The following COLGALT2 variants were observed in gnomAD, a reference collection of about 807,000 sequenced individuals.
The protein encoded by COLGALT2 is collagen beta(1-O)galactosyltransferase 2.
COLGALT2 carries 49 observed loss-of-function variants against 73.4 expected under a neutral mutation model. That is an observed-to-expected ratio of 0.67 (90% CI 0.53 to 0.85). The LOEUF (loss-of-function observed/expected upper bound fraction) is 0.85. Ranked by LOEUF, COLGALT2 falls within the 40% of genes least tolerant of loss-of-function variation. COLGALT2 has a pLI of 0.00. For synonymous variants in COLGALT2, 295 were observed against 307.6 expected (o/e 0.96, Z 0.43); for missense variants, 722 against 790.2 (o/e 0.91, Z 1.03).
intron 1 of COLGALT2, among the ~76,000 whole-genome samples, chr1:184,035,751 GAATT>G (rs1649652904): frequency 6.6e-6 from 1 of 152,022 alleles, no homozygotes; most frequent in Non-Finnish European, 1.5e-5. Flanking sequence ...TGATATGTGT[GAATT>G]TCTTTTGGTA....
At chr1:183,966,132 A>C (rs938916372) in intron 5 of COLGALT2, among the ~76,000 whole-genome samples, 5 of 152,202 alleles carry the variant, frequency 3.3e-5, no homozygotes, top group African/African-American at 1.2e-4. Context: ...GGGACTGTTC[A>C]TTTCTTAATA....
Position 183,937,063 on chromosome 1 carries a change from G to A in COLGALT2, c.*1698C>T, listed in dbSNP as rs1441838354. The A allele has an allele frequency of 4.9e-6, 6 of 1,231,512 alleles. No homozygotes were observed. Among genetic ancestry groups the A allele is most frequent in the African/African-American group, 1.6e-5 (1 of 64,420 alleles). The allele number at this position is 1,231,512 out of a possible 1,614,324, so 76.3% of individuals were successfully genotyped here. On this transcript the variant is annotated 3_prime_UTR_variant, in exon 12 of 12. Coordinates refer to ENST00000361927, the MANE Select transcript of COLGALT2 (RefSeq NM_015101.4). ...TAATGTGGCAATCAGTATCACATGG[G>A]CAGTGAACTGAAGAATTAGGTGTCT...
chr1:183,938,209 T>A lies in COLGALT2; in HGVS notation c.*552A>T, dbSNP rs201589079. The A allele has an allele frequency of 1.2e-3, 1,100 of 912,104 alleles. 9 individuals are homozygous for A. Among genetic ancestry groups the A allele is most frequent in the African/African-American group, 9.4e-3 (499 of 52,860 alleles). 56.5% of individuals were successfully genotyped at this position (912,104 alleles called of 1,614,324 possible). Reference sequence around the variant, plus strand: ...AACAGGGACTAAGATTTTTTTTTTTTAAAAAATCTACTTTTCAATAAGACT... The same window carrying A: ...AACAGGGACTAAGATTTTTTTTTTTAAAAAAATCTACTTTTCAATAAGACT... On this transcript the variant is annotated 3_prime_UTR_variant, in exon 12 of 12. Transcript: ENST00000361927.
intron 5 of COLGALT2, among the ~76,000 whole-genome samples, chr1:183,967,152 T>G (rs1670898354): frequency 6.6e-6 from 1 of 152,206 alleles, no homozygotes; most frequent in Admixed American, 6.5e-5. Flanking sequence ...AGTACAATAT[T>G]ACCTTAAAAT....
In COLGALT2 at chr1:184,007,363, G is replaced by T. The variant is rs189773506; in HGVS notation, c.264-28843C>A. Among the ~76,000 whole-genome samples, 115 of 152,254 alleles carry T rather than the reference G, an allele frequency of 7.6e-4. 1 individual carries two copies. Among genetic ancestry groups the T allele is most frequent in the African/African-American group, 2.6e-3 (110 of 41,534 alleles). The stretch of plus-strand genomic sequence containing the variant: ...TCTATGTCTCAACAACTCTAAAAGA[G>T]ATATTTTGATAAGCATAAGATAAAA... On this transcript the variant is annotated intron_variant, in intron 1 of 11. Transcript: ENST00000361927.
intron 1 of COLGALT2, among the ~76,000 whole-genome samples, chr1:184,030,871 G>A (rs1464249155): frequency 6.6e-6 from 1 of 152,178 alleles, no homozygotes; most frequent in Non-Finnish European, 1.5e-5. Context: ...CTAGAAATCA[G>A]TTATCTCATT....
chr1:184,028,180 G>A (rs1254463744), intron 1 of COLGALT2, among the ~76,000 whole-genome samples: 2 of 152,196 alleles, frequency 1.3e-5, no homozygotes, highest in Non-Finnish European at 2.9e-5. Flanking sequence ...GGGACTCCGT[G>A]TCGGGAATGC....
rs1391345193 is a variant in COLGALT2 at position 183,938,927 on chromosome 1, G to A, written c.1715C>T (p.Thr572Met). 6.2e-7 allele frequency: 1 copy of A among 1,614,032 alleles called. No individual in the cohort carries two copies. Among genetic ancestry groups the A allele is most frequent in the Non-Finnish European group, 8.5e-7 (1 of 1,180,040 alleles). ...ATTGTCCCAGATGGTGGAGGTCTCC[G>A]TGTCACTCAGGTACCCCGGCTGGCC... ...YTGQPGYLSD[T>M]ETSTIWDNET... The change falls in exon 12 of 12, where the codon ACG (threonine) becomes ATG (methionine). Residue 572 changes from threonine to methionine, a missense_variant. Transcript: ENST00000361927.
At chr1:183,983,481 C>T (rs914911209) in intron 1 of COLGALT2, among the ~76,000 whole-genome samples, 1 of 152,158 alleles carries the variant, frequency 6.6e-6, no homozygotes, top group Non-Finnish European at 1.5e-5. Context: ...CAACACAGGC[C>T]CTGGGCTATT....
intron 1 of COLGALT2, among the ~76,000 whole-genome samples, chr1:183,985,713 C>G (rs1050600906): frequency 2.0e-5 from 3 of 152,176 alleles, no homozygotes; most frequent in African/African-American, 7.2e-5. Flanking sequence ...GATGGCAACA[C>G]TGGACAACGA....
intron 8 of COLGALT2, among the ~76,000 whole-genome samples, chr1:183,949,916 G>C (rs1010683288): frequency 5.3e-5 from 8 of 152,172 alleles, no homozygotes. Flanking sequence ...CTATGAATGG[G>C]ACTGGTGTTC....
chr1:184,033,512 C>G (rs1352593378), intron 1 of COLGALT2, among the ~76,000 whole-genome samples: 1 of 152,188 alleles, frequency 6.6e-6, no homozygotes, highest in Middle Eastern at 3.2e-3. Flanking sequence ...TGAGATCAGA[C>G]AGGTAAATGT....
chr1:183,998,848 A>T (rs1227721317), intron 1 of COLGALT2, among the ~76,000 whole-genome samples: 2 of 152,110 alleles, frequency 1.3e-5, no homozygotes, highest in East Asian at 3.8e-4. Context: ...TAAATAAATG[A>T]GTATCTGTTA....
chr1:184,030,739 GA>G (rs1278327730), intron 1 of COLGALT2, among the ~76,000 whole-genome samples: 2 of 152,138 alleles, frequency 1.3e-5, no homozygotes, highest in Non-Finnish European at 1.5e-5. Flanking sequence ...TTGGATAAAG[GA>G]GCTAAAAACA....
intron 8 of COLGALT2, among the ~76,000 whole-genome samples, chr1:183,947,240 A>G (rs912314464): frequency 6.6e-6 from 1 of 152,204 alleles, no homozygotes; most frequent in Non-Finnish European, 1.5e-5. Flanking sequence ...ATCTTAAAAT[A>G]ATCAGACCTA....
intron 1 of COLGALT2, among the ~76,000 whole-genome samples, chr1:183,982,667 C>T (rs545516638): frequency 3.9e-5 from 6 of 152,224 alleles, no homozygotes; most frequent in Non-Finnish European, 8.8e-5. Flanking sequence ...TGGCACACAC[C>T]CTTAGTCCTA....
chr1:183,930,438 G>T (rs1393957201), intron 11 of COLGALT2: 1 of 373,948 alleles, frequency 2.7e-6, no homozygotes, highest in African/African-American at 2.1e-5. Context: ...CTGTCACCCA[G>T]GCTGGAGTGG....
chr1:184,033,915 A>G (rs972033542), intron 1 of COLGALT2, among the ~76,000 whole-genome samples: 4 of 152,284 alleles, frequency 2.6e-5, no homozygotes, highest in African/African-American at 9.6e-5. Context: ...CTGCGGTTCT[A>G]TTTTACAAAG....
chr1:183,999,381 T>C (rs2102837148), intron 1 of COLGALT2, among the ~76,000 whole-genome samples: 1 of 152,286 alleles, frequency 6.6e-6, no homozygotes, highest in African/African-American at 2.4e-5. Flanking sequence ...TTAGGATTTT[T>C]ACATTTATGT....
Sources: allele counts gnomAD v4.1 joint callset (sites outside exome capture counted in the v4.1 genomes callset), GRCh38; gene constraint gnomAD v4.1.1; transcripts MANE v1.5; gene names NCBI Gene and HGNC (gene_info 2026-07-23, HGNC 2026-07-21).